The following LPAR1 variants were observed in gnomAD, a reference collection of about 807,000 sequenced individuals.
LPAR1 encodes the protein LPA receptor 1.
In LPAR1, 5 loss-of-function variants were observed where a neutral mutation model predicts 23.8. The observed-to-expected ratio is 0.21, with a 90% CI of 0.11 to 0.44. LPAR1 has a LOEUF of 0.44. LPAR1 is among the 20% of genes least tolerant of loss of function. The pLI, the probability that LPAR1 is intolerant of heterozygous loss-of-function variation, is 0.99. For missense variants in LPAR1, 311 were observed against 482.8 expected, an observed-to-expected ratio of 0.64 and a Z score of 3.33; for synonymous variants, 160 against 164.7, an observed-to-expected ratio of 0.97 and a Z score of 0.22.
intron 5 of LPAR1, among the ~76,000 whole-genome samples, chr9:110,937,962 C>T (rs563332099): frequency 5.9e-5 from 9 of 152,260 alleles, no homozygotes; most frequent in African/African-American, 1.9e-4. Flanking sequence ...ATAAAGGTGT[C>T]GCTAGGTTTG....
chr9:110,966,834 C>T (rs1173955817), intron 4 of LPAR1, among the ~76,000 whole-genome samples: 1 of 152,102 alleles, frequency 6.6e-6, no homozygotes, highest in African/African-American at 2.4e-5. Context: ...AGCCAAACTG[C>T]TCACTCTGGT....
chr9:110,896,421 C>A (rs1482559214), intron 5 of LPAR1, among the ~76,000 whole-genome samples: 1 of 152,104 alleles, frequency 6.6e-6, no homozygotes, highest in Non-Finnish European at 1.5e-5. Flanking sequence ...AGGGGCAACC[C>A]ACACTTGAAA....
At chr9:110,976,560 C>T (rs1052589531) in intron 2 of LPAR1, among the ~76,000 whole-genome samples, 6 of 152,088 alleles carry the variant, frequency 3.9e-5, no homozygotes, top group Admixed American at 2.0e-4. Context: ...CTCTTCCAAC[C>T]TGCCACCAAC....
chr9:110,907,529 G>A (rs750955471), intron 5 of LPAR1, among the ~76,000 whole-genome samples: 3 of 151,988 alleles, frequency 2.0e-5, no homozygotes, highest in Non-Finnish European at 4.4e-5. Flanking sequence ...TAAACATCAG[G>A]GTCCAGTAAA....
In LPAR1 at chr9:110,959,298, G is replaced by GGGAGGAAA. The variant is rs201944710; in HGVS notation, c.45+12767_45+12774dup. On this transcript the variant is annotated intron_variant, in intron 4 of 5. Transcript: ENST00000683809. ...GGTAAGGATGGAAGGAAGGGAGGAA[G>GGGAGGAAA]GGAGGAAAGGAGGAAAGGAGGAAAG... Among the ~76,000 whole-genome samples, 13 of 151,772 alleles carry GGGAGGAAA rather than the reference G, an allele frequency of 8.6e-5. No individual in the cohort carries two copies. The East Asian group carries it at 9.7e-4, about 11-fold the overall frequency.
At chr9:110,896,453 T>A (rs1212628416) in intron 5 of LPAR1, among the ~76,000 whole-genome samples, 1 of 152,352 alleles carries the variant, frequency 6.6e-6, no homozygotes, top group East Asian at 1.9e-4. Context: ...CAACTCAGAA[T>A]GTTTTTTATT....
chr9:110,957,535 A>T (rs972282386), intron 4 of LPAR1, among the ~76,000 whole-genome samples: 1 of 152,124 alleles, frequency 6.6e-6, no homozygotes, highest in African/African-American at 2.4e-5. Flanking sequence ...AAAATTCAAC[A>T]TTCTTTCATG....
intron 4 of LPAR1, among the ~76,000 whole-genome samples, chr9:110,970,918 T>C (rs2096397631): frequency 6.6e-6 from 1 of 152,112 alleles, no homozygotes; most frequent in African/African-American, 2.4e-5. Flanking sequence ...GGTGGATCAT[T>C]TGAGGTCAAG....
chr9:110,961,909 A>G (rs2096005904), intron 4 of LPAR1, among the ~76,000 whole-genome samples: 1 of 152,210 alleles, frequency 6.6e-6, no homozygotes, highest in African/African-American at 2.4e-5. Context: ...GGGAGCTACG[A>G]TTCAGGATAA....
chr9:110,895,683 G>A (rs1478630106), intron 5 of LPAR1, among the ~76,000 whole-genome samples: 3 of 152,160 alleles, frequency 2.0e-5, no homozygotes, highest in Non-Finnish European at 2.9e-5. Context: ...GGGGTGTTCG[G>A]AGCTGGATGC....
At chr9:110,927,304 G>C (rs2135484996) in intron 5 of LPAR1, among the ~76,000 whole-genome samples, 2 of 149,698 alleles carry the variant, frequency 1.3e-5, no homozygotes, top group African/African-American at 4.9e-5. Flanking sequence ...ACTTACATTT[G>C]TGTGGCACTT....
At chr9:110,939,104 T>G (rs2094921855) in intron 5 of LPAR1, among the ~76,000 whole-genome samples, 1 of 152,158 alleles carries the variant, frequency 6.6e-6, no homozygotes, top group Non-Finnish European at 1.5e-5. Flanking sequence ...GGGGTTTGCC[T>G]ACATTATGAC....
intron 5 of LPAR1, among the ~76,000 whole-genome samples, chr9:110,917,916 G>A (rs774432383): frequency 1.3e-5 from 2 of 151,452 alleles, no homozygotes; most frequent in Non-Finnish European, 1.5e-5. Flanking sequence ...TAAATACTTT[G>A]TTTTGAGACT....
intron 5 of LPAR1, among the ~76,000 whole-genome samples, chr9:110,925,997 T>C (rs770835113): frequency 1.3e-5 from 2 of 152,194 alleles, no homozygotes; most frequent in Non-Finnish European, 2.9e-5. Flanking sequence ...CTCGGCTCAC[T>C]GCAAGCTCTG....
At chr9:110,963,224 T>C (rs948320349) in intron 4 of LPAR1, among the ~76,000 whole-genome samples, 1 of 152,234 alleles carries the variant, frequency 6.6e-6, no homozygotes, top group Non-Finnish European at 1.5e-5. Context: ...ATCTTATGAA[T>C]AGAAAATTCA....
At chr9:111,013,828 T>C (rs1390369713) in intron 2 of LPAR1, among the ~76,000 whole-genome samples, 1 of 152,126 alleles carries the variant, frequency 6.6e-6, no homozygotes, top group East Asian at 1.9e-4. Flanking sequence ...ATCAAGCAAG[T>C]CATTATCAAG....
In LPAR1 at chr9:110,874,012, C is replaced by A. The variant is rs956726445; in HGVS notation, c.*1409G>T. ...CACTGCATTTCTTTTGTAAAAAGGT[C>A]ATTTGACTGGCTTTTCCTCACAACT... On this transcript the variant is annotated 3_prime_UTR_variant, in exon 6 of 6. Transcript: ENST00000683809. 1.3e-5 allele frequency: 2 copies of A among 152,598 alleles called. No homozygotes were observed. Among genetic ancestry groups the A allele is most frequent in the East Asian group, 1.9e-4 (1 of 5,188 alleles). 9.5% of individuals were successfully genotyped at this position (152,598 alleles called of 1,614,324 possible).
chr9:111,018,924 C>T (rs2097507102), intron 2 of LPAR1, among the ~76,000 whole-genome samples: 2 of 152,116 alleles, frequency 1.3e-5, no homozygotes, highest in African/African-American at 4.8e-5. Flanking sequence ...GGATTATTAT[C>T]AGGCTATTAA....
intron 4 of LPAR1, among the ~76,000 whole-genome samples, chr9:110,953,070 G>A (rs566914263): frequency 2.0e-5 from 3 of 152,186 alleles, no homozygotes; most frequent in African/African-American, 4.8e-5. Flanking sequence ...ACACAGTATG[G>A]ACCACCTGGA....
Sources: gnomAD v4.1 joint callset for allele counts (sites outside exome capture counted in the v4.1 genomes callset) on GRCh38, gnomAD v4.1.1 for gene constraint, MANE v1.5 for transcripts, NCBI Gene and HGNC (gene_info 2026-07-23, HGNC 2026-07-21) for gene names.